Variants in KCNJ12 observed in about 807,000 individuals in gnomAD.
KCNJ12 encodes the protein ATP-sensitive inward rectifier potassium channel 12.
Under a neutral mutation model 22.3 loss-of-function variants are expected in KCNJ12, and 2 were observed. The observed-to-expected ratio is 0.09, with a 90% CI of 0.04 to 0.28. The LOEUF (loss-of-function observed/expected upper bound fraction) is 0.28, where lower values mean the gene tolerates loss of function less well. Ranked by LOEUF, KCNJ12 falls within the 10% of genes least tolerant of loss-of-function variation. KCNJ12 has a pLI of 1.00. For synonymous variants in KCNJ12, 117 were observed against 261.4 expected, an observed-to-expected ratio of 0.45 and a Z score of 5.33; for missense variants, 155 against 633.3, an observed-to-expected ratio of 0.24 and a Z score of 8.11.
At chr17:21,383,429 G>T (rs1219640619) in intron 1 of KCNJ12, among the ~76,000 whole-genome samples, 2 of 152,170 alleles carry the variant, frequency 1.3e-5, no homozygotes, top group Admixed American at 6.5e-5. Flanking sequence ...GGGGAGCTTG[G>T]CGTGGCCGGA....
chr17:21,402,748 G>C (rs1905698884), intron 1 of KCNJ12, among the ~76,000 whole-genome samples: 1 of 152,306 alleles, frequency 6.6e-6, no homozygotes, highest in Non-Finnish European at 1.5e-5. Context: ...ACAGGTTATG[G>C]GGGGCTGAGG....
At chr17:21,388,555 C>G (rs1415298758) in intron 1 of KCNJ12, among the ~76,000 whole-genome samples, 1 of 152,218 alleles carries the variant, frequency 6.6e-6, no homozygotes, top group African/African-American at 2.4e-5. Flanking sequence ...CCCAGCAATA[C>G]AAATGGCCCG....
At chr17:21,407,168 C>T (rs62049474) in intron 1 of KCNJ12, among the ~76,000 whole-genome samples, 1 of 152,306 alleles carries the variant, frequency 6.6e-6, no homozygotes, top group African/African-American at 2.4e-5. Flanking sequence ...ACCCTCACAC[C>T]CATCCACCCA....
At chr17:21,407,796 C>A (rs62641161) in intron 1 of KCNJ12, among the ~76,000 whole-genome samples, 811 of 98,714 alleles carry the variant, frequency 8.2e-3, no homozygotes, top group Admixed American at 0.015. Context: ...ATTATCCATT[C>A]ATCCACTCAT....
At chr17:21,387,621 T>G (rs1408948491) in intron 1 of KCNJ12, among the ~76,000 whole-genome samples, 6 of 152,076 alleles carry the variant, frequency 3.9e-5, no homozygotes, top group Non-Finnish European at 8.8e-5. Context: ...GAATGGTCCT[T>G]CCCCTGTCGG....
intron 1 of KCNJ12, among the ~76,000 whole-genome samples, chr17:21,407,277 C>T (rs1424163447): frequency 6.6e-6 from 1 of 152,292 alleles, no homozygotes; most frequent in African/African-American, 2.4e-5. Context: ...TTTCTCTACC[C>T]ACCCATACAC....
In KCNJ12 at chr17:21,419,267, G is replaced by A. The variant is rs1410668864; in HGVS notation, c.*2623G>A. 4 of 166,268 alleles carry A rather than the reference G, an allele frequency of 2.4e-5. No homozygotes were observed. Among genetic ancestry groups the A allele is most frequent in the South Asian group, 2.1e-4 (1 of 4,788 alleles). The allele number at this position is 166,268 out of a possible 1,614,324, so 10.3% of individuals were successfully genotyped here. A position where few individuals can be genotyped will look rare whatever the true frequency, so the allele number is the denominator to read the frequency against. On this transcript the variant is annotated 3_prime_UTR_variant, in exon 3 of 3. Coordinates refer to ENST00000583088, the MANE Select transcript of KCNJ12 (RefSeq NM_021012.5). ...ACTCGGCTCTTCATGTGTATGACTG[G>A]GTTAGTAATACAGATACGTGATCTA... is the stretch of plus-strand genomic sequence containing the variant.
At chr17:21,393,553 G>C (rs1905260388) in intron 1 of KCNJ12, among the ~76,000 whole-genome samples, 1 of 152,184 alleles carries the variant, frequency 6.6e-6, no homozygotes, top group South Asian at 2.1e-4. Context: ...GGGAGCCTCA[G>C]ACCCCCCCGT....
chr17:21,397,582 C>T (rs782559106), intron 1 of KCNJ12, among the ~76,000 whole-genome samples: 7 of 152,220 alleles, frequency 4.6e-5, no homozygotes, highest in Non-Finnish European at 1.0e-4. Flanking sequence ...AATAAATCAT[C>T]GTGGGAGCTG....
At chr17:21,408,108 T>TA in intron 1 of KCNJ12, among the ~76,000 whole-genome samples, 1 of 152,304 alleles carries the variant, frequency 6.6e-6, no homozygotes, top group Non-Finnish European at 1.5e-5. Flanking sequence ...TGGCTGGGAG[T>TA]ACAGGCTGAG....
chr17:21,417,037 C>T lies in KCNJ12; in HGVS notation c.*393C>T, dbSNP rs1597589488. On this transcript the variant is annotated 3_prime_UTR_variant, in exon 3 of 3. Transcript: ENST00000583088. Reference sequence around the variant, plus strand: ...TGGTTTTTAACTTGGGGAGAAACACCGGGTTTCAGCTTTCTTGACCTTAGC... The same window carrying T: ...TGGTTTTTAACTTGGGGAGAAACACTGGGTTTCAGCTTTCTTGACCTTAGC... 2.6e-5 allele frequency: 8 copies of T among 310,374 alleles called. No homozygotes were observed. In the East Asian group the frequency reaches 3.4e-4, roughly 13 times the overall value. 19.2% of individuals were successfully genotyped at this position (310,374 alleles called of 1,614,324 possible).
chr17:21,415,260 C>G lies in KCNJ12; in HGVS notation c.-56-27C>G, dbSNP rs1276890201. ...GAGGAGCCCGGAGCCACCAGCCCAG[C>G]CAGACATGCTGTCGTCTCTGTTGCA... is the stretch of plus-strand genomic sequence containing the variant. On this transcript the variant is annotated intron_variant, in intron 2 of 2. Transcript: ENST00000583088. 7 of 1,542,482 alleles carry G rather than the reference C, an allele frequency of 4.5e-6. No homozygotes were observed. The Admixed American group carries it at 1.2e-4, about 25-fold the overall frequency.
intron 1 of KCNJ12, among the ~76,000 whole-genome samples, chr17:21,405,733 C>T (rs868943706): frequency 4.6e-5 from 7 of 152,278 alleles, no homozygotes; most frequent in East Asian, 1.9e-4. Flanking sequence ...ACCATAACCC[C>T]GGGAAGCATT....
intron 2 of KCNJ12, among the ~76,000 whole-genome samples, chr17:21,410,955 C>T (rs1206994560): frequency 9.8e-5 from 15 of 152,420 alleles, no homozygotes; most frequent in East Asian, 1.9e-4. Context: ...GTGCTGTGTT[C>T]GTGCCTCGTG....
chr17:21,389,872 C>A (rs1567698096), intron 1 of KCNJ12, among the ~76,000 whole-genome samples: 1 of 152,132 alleles, frequency 6.6e-6, no homozygotes, highest in African/African-American at 2.4e-5. Flanking sequence ...GGGAGCAAGA[C>A]TTAAAGGGCA....
At chr17:21,411,182 G>A (rs1251607167) in intron 2 of KCNJ12, among the ~76,000 whole-genome samples, 4 of 152,306 alleles carry the variant, frequency 2.6e-5, no homozygotes, top group Non-Finnish European at 5.9e-5. Flanking sequence ...TCAGGGCAGT[G>A]GGCATGGGGC....
chr17:21,402,932 C>T (rs1226187460), intron 1 of KCNJ12, among the ~76,000 whole-genome samples: 472 of 152,396 alleles, frequency 3.1e-3, no homozygotes, highest in African/African-American at 0.011. Context: ...AGACTGGTGA[C>T]CTTGGGCATG....
At chr17:21,400,633 C>G (rs1248308592) in intron 1 of KCNJ12, among the ~76,000 whole-genome samples, 1 of 152,312 alleles carries the variant, frequency 6.6e-6, no homozygotes, top group African/African-American at 2.4e-5. Context: ...TGTCCTTTCC[C>G]GACAAGGCCC....
intron 1 of KCNJ12, among the ~76,000 whole-genome samples, chr17:21,380,910 A>C (rs1003924445): frequency 7.9e-5 from 12 of 152,196 alleles, no homozygotes; most frequent in African/African-American, 2.6e-4. Context: ...CCCTAACCCC[A>C]ATCACCACCA....
Sources: gnomAD v4.1 joint callset for allele counts (sites outside exome capture counted in the v4.1 genomes callset) on GRCh38, gnomAD v4.1.1 for gene constraint, MANE v1.5 for transcripts, NCBI Gene and HGNC (gene_info 2026-07-23, HGNC 2026-07-21) for gene names.